Variants in SRRM4 observed in about 807,000 individuals in gnomAD.
SRRM4 encodes serine/arginine repetitive matrix 4, also known as serine/arginine repetitive matrix protein 4.
A neutral mutation model predicts 68.9 loss-of-function variants in SRRM4; 33 were observed. That is an observed-to-expected ratio of 0.48 (90% confidence interval 0.36 to 0.64). The LOEUF (loss-of-function observed/expected upper bound fraction) is 0.64. Ranked by LOEUF, SRRM4 falls within the 30% of genes least tolerant of loss-of-function variation. The pLI, the probability that SRRM4 is intolerant of heterozygous loss-of-function variation, is 0.00. For missense variants in SRRM4, 817 were observed against 827.1 expected (o/e 0.99, Z 0.15); for synonymous variants, 318 against 318.8 (o/e 1.00, Z 0.03).
At position 119,150,637 on chromosome 12, in the gene SRRM4, A is replaced by G. The variant is rs559807551; in HGVS notation, c.1077-380A>G. On this transcript the variant is annotated intron_variant, in intron 9 of 12. Transcript: ENST00000267260. ...GGTGTTACAAACCAACTAGCACCCA[A>G]TGGGGGCTTCCTCATTAATGTAATC... Among the ~76,000 whole-genome samples the G allele has an allele frequency of 3.9e-3, 600 of 152,288 alleles. 2 individuals are homozygous for G. The highest frequency in any genetic ancestry group is 6.2e-3 in the Non-Finnish European group (420 of 68,010).
chr12:119,136,470 G>GTTTGTTTTGT lies in SRRM4; in HGVS notation c.771+5654_771+5663dup, dbSNP rs375418674. Reference sequence around the variant, plus strand: ...GGGATTTTCTGGGCCATTGGTTTTTGTTTGTTTTGTTTTGTTTTGTTTTGT... The same window carrying GTTTGTTTTGT: ...GGGATTTTCTGGGCCATTGGTTTTTGTTTGTTTTGTTTTGTTTTGTTTTGTTTTGTTTTGT... On this transcript the variant is annotated intron_variant, in intron 8 of 12. Coordinates refer to ENST00000267260, the MANE Select transcript of SRRM4 (RefSeq NM_194286.4). Among the ~76,000 whole-genome samples the GTTTGTTTTGT allele has an allele frequency of 1.2e-3, 178 of 152,018 alleles. 1 individual carries two copies. The highest frequency in any genetic ancestry group is 4.0e-3 in the African/African-American group (166 of 41,386).
Position 119,079,492 on chromosome 12 carries a change from G to A in SRRM4, c.132-22744G>A, listed in dbSNP as rs542042382. On this transcript the variant is annotated intron_variant, in intron 1 of 12. Coordinates refer to ENST00000267260, the MANE Select transcript of SRRM4 (RefSeq NM_194286.4). ...CTGAATAGCAGGGATACTTGTCAGAGCAATTTCTTTGAGGCATTTGGTCTC... is the reference window on the plus strand; with the variant it reads ...CTGAATAGCAGGGATACTTGTCAGAACAATTTCTTTGAGGCATTTGGTCTC... Among the ~76,000 whole-genome samples, 3 of 152,298 alleles carry A rather than the reference G, an allele frequency of 2.0e-5. No homozygotes were observed. The East Asian group carries it at 5.8e-4, about 29-fold the overall frequency.
chr12:119,151,618 G>A (rs953360679), intron 10 of SRRM4, among the ~76,000 whole-genome samples: 1 of 152,138 alleles, frequency 6.6e-6, no homozygotes, highest in East Asian at 1.9e-4. Flanking sequence ...CTGATCCTGT[G>A]GATCAGCAAT....
intron 1 of SRRM4, among the ~76,000 whole-genome samples, chr12:119,029,140 T>A (rs1191615381): frequency 1.3e-5 from 2 of 152,112 alleles, no homozygotes; most frequent in East Asian, 1.9e-4. Context: ...CATTACACCA[T>A]CCCCATTCCC....
chr12:119,137,605 AGAGAGAGAGAG>A (rs1954338185), intron 8 of SRRM4, among the ~76,000 whole-genome samples: 1 of 147,194 alleles, frequency 6.8e-6, no homozygotes, highest in South Asian at 2.2e-4. Context: ...AGAGAGAGAG[AGAGAGAGAGAG>A]AGAGAGAGAG....
intron 1 of SRRM4, among the ~76,000 whole-genome samples, chr12:119,060,412 T>C (rs1379910126): frequency 6.7e-6 from 1 of 148,378 alleles, no homozygotes; most frequent in East Asian, 2.0e-4. Flanking sequence ...ATGTGAGCGC[T>C]CCCACACATT....
chr12:119,122,006 A>C, intron 5 of SRRM4, 64 bp from the exon 6 acceptor site: 1 of 1,062,936 alleles, frequency 9.4e-7, no homozygotes, highest in East Asian at 2.4e-5. Flanking sequence ...TAAGCATTTT[A>C]ACTACTTGTT....
rs867815187 is a variant in SRRM4, at chr12:119,092,802, C to G, written c.132-9434C>G. ...AGAACATATCTATCCAATGAAGCCT[C>G]CAATGGCATCTCATCTCACCGAGAG... On this transcript the variant is annotated intron_variant, in intron 1 of 12. Coordinates refer to ENST00000267260, the MANE Select transcript of SRRM4 (RefSeq NM_194286.4). Among the ~76,000 whole-genome samples the G allele has an allele frequency of 8.5e-5, 13 of 152,212 alleles. No individual in the cohort carries two copies. In the East Asian group the frequency reaches 2.3e-3, roughly 27 times the overall value.
chr12:118,982,579 T>A (rs1487259915), intron 1 of SRRM4, among the ~76,000 whole-genome samples: 2 of 151,352 alleles, frequency 1.3e-5, no homozygotes, highest in Non-Finnish European at 2.9e-5. Context: ...AATTCTCTCC[T>A]CTCCAGCATC....
At chr12:119,126,316 C>T (rs1425450998) in intron 7 of SRRM4, among the ~76,000 whole-genome samples, 1 of 152,012 alleles carries the variant, frequency 6.6e-6, no homozygotes, top group Non-Finnish European at 1.5e-5. Context: ...GAGCCACCGC[C>T]CCCAGCTCTA....
Position 119,156,759 on chromosome 12 carries a change from C to T in SRRM4, c.1797C>T (p.Ser599=), listed in dbSNP as rs754682419. ...GCCGGAGCAGGAGCCAGAGCCGGAG[C>T]TACAGCTCAGCAGACAGCTACTCCA... ...SRSRSRSQSR[S]YSSADSYSST... The change falls in exon 13 of 13, where the codon AGC becomes AGT. Residue 599 remains serine (S), a synonymous_variant. Transcript: ENST00000267260. 26 of 1,544,820 alleles carry T rather than the reference C, an allele frequency of 1.7e-5. No homozygotes were observed. In the South Asian group the frequency reaches 3.1e-4, roughly 18 times the overall value.
chr12:119,122,288 AAGGC>A (rs1373481555), intron 6 of SRRM4, among the ~76,000 whole-genome samples, 168 bp downstream of exon 6: 2,232 of 103,758 alleles, frequency 0.022, 24 homozygotes, highest in Middle Eastern at 0.049. Flanking sequence ...GGAAGGCAGG[AAGGC>A]AGGAAGGAAG....
At chr12:119,125,257 G>C (rs1954249440) in intron 6 of SRRM4, 124 bp from the exon 7 acceptor site, 3 of 822,584 alleles carry the variant, frequency 3.6e-6, no homozygotes, top group Non-Finnish European at 5.8e-6. Context: ...GGGAGATGGA[G>C]AACTTCGGGA....
At chr12:119,038,233 C>A (rs1406740310) in intron 1 of SRRM4, among the ~76,000 whole-genome samples, 1 of 144,348 alleles carries the variant, frequency 6.9e-6, no homozygotes, top group African/African-American at 2.6e-5. Flanking sequence ...GAGACAGAGT[C>A]TCTCTCTGTC....
intron 12 of SRRM4, 41 bp from the exon 13 acceptor site, chr12:119,156,454 G>A: frequency 6.5e-7 from 1 of 1,534,204 alleles, no homozygotes; most frequent in Non-Finnish European, 8.8e-7. Context: ...GGGAGGCACG[G>A]AGGGGCCGGC....
intron 1 of SRRM4, among the ~76,000 whole-genome samples, chr12:119,033,140 C>T (rs917275289): frequency 2.0e-5 from 3 of 151,882 alleles, no homozygotes; most frequent in Admixed American, 6.6e-5. Context: ...TTTATTATTC[C>T]TTCCTCCTTT....
At chr12:119,102,147 G>A (rs2136042085) in intron 1 of SRRM4, 89 bp from the exon 2 acceptor site, 3 of 1,325,556 alleles carry the variant, frequency 2.3e-6, no homozygotes, top group Non-Finnish European at 3.1e-6. Flanking sequence ...GGGAAGCTGG[G>A]AAATACTAGT....
At chr12:119,080,581 C>T (rs1253418387) in intron 1 of SRRM4, among the ~76,000 whole-genome samples, 1 of 152,174 alleles carries the variant, frequency 6.6e-6, no homozygotes, top group South Asian at 2.1e-4. Context: ...TCATCTCTCC[C>T]ACCATGTGGC....
chr12:119,111,376 A>C (rs1164999953), intron 2 of SRRM4, among the ~76,000 whole-genome samples: 1 of 152,206 alleles, frequency 6.6e-6, no homozygotes, highest in Non-Finnish European at 1.5e-5. Context: ...GATGATCCCC[A>C]TCTCACACAC....
Sources: gnomAD v4.1 joint callset for allele counts (sites outside exome capture counted in the v4.1 genomes callset) on GRCh38, gnomAD v4.1.1 for gene constraint, MANE v1.5 for transcripts, NCBI Gene and HGNC (gene_info 2026-07-23, HGNC 2026-07-21) for gene names.